The following MCF2 variants were observed in gnomAD, a reference collection of about 807,000 sequenced individuals.
MCF2 encodes proto-oncogene DBL.
Under a neutral mutation model 82.5 loss-of-function variants are expected in MCF2, and 44 were observed. The observed-to-expected ratio is 0.53, with a 90% CI of 0.42 to 0.69. The LOEUF is 0.69. Among genes scored for constraint, MCF2 ranks in the 30% least tolerant of loss-of-function variants. The probability of loss-of-function intolerance (pLI) is 0.00; values close to 1 mark genes in which losing one functional copy is unlikely to be tolerated. For missense variants in MCF2, 623 were observed against 663.1 expected, an observed-to-expected ratio of 0.94 and a Z score of 0.66; for synonymous variants, 217 against 224.9, an observed-to-expected ratio of 0.96 and a Z score of 0.32.
chrX:139,652,715 C>T (rs1934069034), intron 1 of MCF2, among the ~76,000 whole-genome samples: 1 of 111,007 alleles, frequency 9.0e-6, no homozygotes, highest in East Asian at 2.8e-4. Flanking sequence ...CCTGTGGTTT[C>T]ACATCTCTTA....
At chrX:139,644,180 T>C (rs143351536), upstream of MCF2, among the ~76,000 whole-genome samples, 32 of 112,369 alleles carry the variant, frequency 2.8e-4, no homozygotes, top group Non-Finnish European at 5.3e-4. Flanking sequence ...ATTTGTCTAT[T>C]TGTAAGCCAA....
At chrX:139,593,344 T>G (rs1364317187) in intron 19 of MCF2, among the ~76,000 whole-genome samples, 3 of 111,024 alleles carry the variant, frequency 2.7e-5, no homozygotes, top group African/African-American at 9.8e-5. Flanking sequence ...AACCAGCTCC[T>G]GAATCTCTGA....
chrX:139,661,209 G>A (rs937188205), intron 1 of MCF2, among the ~76,000 whole-genome samples: 5 of 111,590 alleles, frequency 4.5e-5, no homozygotes, highest in African/African-American at 6.5e-5. Context: ...GAAAGAATCA[G>A]GGACTTTATA....
At position 139,703,105 on chromosome X, in the gene MCF2, T is replaced by C. The variant is rs751537573; in HGVS notation, c.-45+5001A>G. Among the ~76,000 whole-genome samples, 161 of 112,249 alleles carry C rather than the reference T, an allele frequency of 1.4e-3. 1 individual carries two copies. Among genetic ancestry groups the C allele is most frequent in the Non-Finnish European group, 2.6e-3 (139 of 53,279 alleles). On this transcript the variant is annotated intron_variant, in intron 1 of 27. Transcript: ENST00000414978. The stretch of plus-strand genomic sequence containing the variant: ...TTCTTGTAAGGTTGCATGAGGCTTC[T>C]GTCACGAAGCCTTCTTCCTTCTCTT...
chrX:139,668,489 A>C (rs1413136814), intron 1 of MCF2, among the ~76,000 whole-genome samples: 1 of 110,923 alleles, frequency 9.0e-6, no homozygotes, highest in East Asian at 2.8e-4. Context: ...CCAGGATTGC[A>C]TGCTTCCAGT....
intron 5 of MCF2, 99 bp downstream of exon 8, chrX:139,626,524 C>T: frequency 1.2e-6 from 1 of 854,226 alleles, no homozygotes; most frequent in East Asian, 3.1e-5. Flanking sequence ...TTCCAGAGGT[C>T]CAGGAATACT....
At chrX:139,637,433 G>A (rs756493591) in intron 1 of MCF2, among the ~76,000 whole-genome samples, 1 of 111,582 alleles carries the variant, frequency 9.0e-6, no homozygotes, top group South Asian at 3.7e-4. Flanking sequence ...ACCATAACAG[G>A]TGCCTACCAA....
upstream of MCF2, chrX:139,645,639 G>A (rs1323985537): frequency 5.0e-6 from 6 of 1,188,804 alleles, no homozygotes; most frequent in African/African-American, 1.7e-5. Context: ...ATGGTAAACC[G>A]GGAGTCTGAT....
chrX:139,602,572 A>G (rs1408921154), intron 15 of MCF2, 74 bp from the exon 20 acceptor site: 2 of 696,188 alleles, frequency 2.9e-6, no homozygotes, highest in Non-Finnish European at 4.5e-6. Context: ...AGGCTAAACA[A>G]GAGTGTAACC....
At chrX:139,632,270 A>G in intron 2 of MCF2, 65 bp downstream of exon 5, 1 of 902,803 alleles carries the variant, frequency 1.1e-6, no homozygotes, top group Non-Finnish European at 1.5e-6. Flanking sequence ...TGTAAAATAT[A>G]AACAGCATGG....
chrX:139,642,625 A>G (rs1933637155), exon 1 of MCF2: 2 of 1,197,743 alleles, frequency 1.7e-6, no homozygotes, highest in Non-Finnish European at 2.2e-6. Flanking sequence ...AAAAATCTCT[A>G]TCAAACAAAG....
intron 24 of MCF2, among the ~76,000 whole-genome samples, chrX:139,583,550 G>T (rs1780299249): frequency 9.0e-6 from 1 of 110,740 alleles, no homozygotes; most frequent in Non-Finnish European, 1.9e-5. Context: ...GCTAAGCATT[G>T]GGTACACGTG....
chrX:139,660,445 T>C (rs770625784), intron 1 of MCF2, among the ~76,000 whole-genome samples: 3 of 112,514 alleles, frequency 2.7e-5, no homozygotes. Context: ...GCAGGACAGA[T>C]AAAATTAGGT....
At chrX:139,642,464 T>C in intron 1 of MCF2, 1 of 1,211,684 alleles carries the variant, frequency 8.3e-7, no homozygotes, top group Non-Finnish European at 1.1e-6. Flanking sequence ...GACAGAGCCC[T>C]TACCGCATTC....
intron 2 of MCF2, among the ~76,000 whole-genome samples, chrX:139,651,251 G>A (rs1473104779): frequency 1.8e-5 from 2 of 110,835 alleles, no homozygotes; most frequent in Non-Finnish European, 3.8e-5. Context: ...ACATCTTTGA[G>A]AAAAATCAAC....
chrX:139,651,893 C>T (rs1934033133), intron 1 of MCF2, 105 bp from the exon 2 acceptor site: 2 of 482,915 alleles, frequency 4.1e-6, no homozygotes, highest in Admixed American at 7.1e-5. Context: ...TCTGGGAGCC[C>T]CACAGGTCTG....
chrX:139,688,493 C>T (rs1394457117), intron 1 of MCF2, among the ~76,000 whole-genome samples: 1 of 111,644 alleles, frequency 9.0e-6, no homozygotes, highest in Admixed American at 9.5e-5. Context: ...TCATACCATA[C>T]TGGAATGCAC....
chrX:139,601,135 G>A (rs1242528989), intron 16 of MCF2, among the ~76,000 whole-genome samples: 1 of 110,874 alleles, frequency 9.0e-6, no homozygotes, highest in Non-Finnish European at 1.9e-5. Context: ...GAAAAGATAA[G>A]ATAATTAGAG....
At chrX:139,627,047 C>G (rs193152894) in intron 4 of MCF2, among the ~76,000 whole-genome samples, 1 of 112,059 alleles carries the variant, frequency 8.9e-6, no homozygotes, top group Admixed American at 9.5e-5. Context: ...GCCTCCTTCT[C>G]TAACTGGTAG....
Sources: allele counts gnomAD v4.1 joint callset (sites outside exome capture counted in the v4.1 genomes callset), GRCh38; gene constraint gnomAD v4.1.1; transcripts MANE v1.5; gene names NCBI Gene and HGNC (gene_info 2026-07-23, HGNC 2026-07-21).